The following CLMN variants were observed in gnomAD, a reference collection of about 807,000 sequenced individuals.
CLMN encodes the protein calmin (calponin-like, transmembrane).
CLMN carries 57 observed loss-of-function variants against 92.7 expected under a neutral mutation model. The observed-to-expected ratio is 0.61, with a 90% CI of 0.50 to 0.77. The LOEUF (loss-of-function observed/expected upper bound fraction) is 0.77. CLMN is among the 30% of genes least tolerant of loss of function. CLMN has a pLI of 0.00. For missense variants in CLMN, 1,158 were observed against 1,237.5 expected (o/e 0.94, Z 0.96); for synonymous variants, 466 against 470.6 (o/e 0.99, Z 0.13).
chr14:95,237,746 C>G (rs759817670), intron 1 of CLMN, among the ~76,000 whole-genome samples: 3 of 152,190 alleles, frequency 2.0e-5, no homozygotes, highest in Non-Finnish European at 2.9e-5. Context: ...CTGATGCTCC[C>G]TGGTCTAGAA....
In CLMN at chr14:95,223,768, G is replaced by A. The variant is rs749088609; in HGVS notation, c.232C>T (p.Arg78Trp). The A allele has an allele frequency of 2.4e-5, 39 of 1,611,832 alleles. No individual in the cohort carries two copies. The highest frequency in any genetic ancestry group is 1.6e-4 in the Middle Eastern group (1 of 6,080). ...TTCTGTAACATACGTACCAGATTCC[G>A]CCCAGACAGGACTTCTAACAAAGCC... Reference protein sequence around the residue: ...LMALLEVLSGRNLLHEYKSSS... With the variant: ...LMALLEVLSGWNLLHEYKSSS... The change falls in exon 3 of 13, where the codon CGG (arginine) becomes TGG (tryptophan). Residue 78 changes from arginine (R) to tryptophan (W), a missense_variant. Coordinates refer to ENST00000298912, the MANE Select transcript of CLMN (RefSeq NM_024734.4).
chr14:95,191,448 G>T lies in CLMN; in HGVS notation c.*116C>A. ...CACAATAGCGAGAAAGGGGGTCTAA[G>T]TTTCCTCGGAGGTCCTCAACTGTCT... On this transcript the variant is annotated 3_prime_UTR_variant, in exon 13 of 13. Coordinates refer to ENST00000298912, the MANE Select transcript of CLMN (RefSeq NM_024734.4). This position sits in a 1 kb window ranked among gnomAD's most constrained non-coding sequence, Gnocchi z 5.3. 5 of 637,276 alleles carry T rather than the reference G, an allele frequency of 7.8e-6. No homozygotes were observed. Among genetic ancestry groups the T allele is most frequent in the Non-Finnish European group, 1.2e-5 (5 of 424,184 alleles). 39.5% of individuals were successfully genotyped at this position (637,276 alleles called of 1,614,324 possible).
intron 8 of CLMN, among the ~76,000 whole-genome samples, chr14:95,208,965 G>C (rs1897120593): frequency 6.6e-6 from 1 of 152,180 alleles, no homozygotes; most frequent in African/African-American, 2.4e-5. Flanking sequence ...ATATCAAAGT[G>C]CTTGTGTTCA....
intron 1 of CLMN, among the ~76,000 whole-genome samples, chr14:95,245,238 TTATATATATATATATAA>T (rs1898479033): frequency 1.1e-4 from 3 of 28,194 alleles, no homozygotes; most frequent in African/African-American, 2.6e-4. Context: ...TATATATATA[TTATATATATATATATAA>T]TATATATATA....
At chr14:95,228,493 C>T (rs1016430688) in intron 2 of CLMN, among the ~76,000 whole-genome samples, 1 of 152,082 alleles carries the variant, frequency 6.6e-6, no homozygotes, top group Non-Finnish European at 1.5e-5. Context: ...TGTGGGTGGC[C>T]GAATGCCTGC....
chr14:95,276,190 T>C (rs1899919433), intron 1 of CLMN, among the ~76,000 whole-genome samples: 1 of 152,214 alleles, frequency 6.6e-6, no homozygotes, highest in South Asian at 2.1e-4. Context: ...TTTGGGTATT[T>C]TACCCTGGGG....
Position 95,306,525 on chromosome 14 carries a change from A to T in CLMN, c.82+13186T>A, listed in dbSNP as rs563740542. 6.6e-5 allele frequency among the ~76,000 whole-genome samples: 10 copies of T among 152,246 alleles called. No homozygotes were observed. In the South Asian group the frequency reaches 2.1e-3, roughly 32 times the overall value. ...CACCTGGGTGACAGAGCTAGACTCC[A>T]TCTCAAACAAAAAAAAAAGAAGAGA... On this transcript the variant is annotated intron_variant, in intron 1 of 12. Transcript: ENST00000298912.
chr14:95,244,132 C>T (rs1192426548), intron 1 of CLMN, among the ~76,000 whole-genome samples: 2 of 152,172 alleles, frequency 1.3e-5, no homozygotes, highest in African/African-American at 2.4e-5. Flanking sequence ...GCTTCCTATA[C>T]AGCCTGCAGA....
intron 1 of CLMN, among the ~76,000 whole-genome samples, chr14:95,284,283 C>G (rs1195710167): frequency 6.6e-6 from 1 of 152,178 alleles, no homozygotes; most frequent in African/African-American, 2.4e-5. Context: ...GATGCGCAGG[C>G]AAAAGTTTGC....
intron 1 of CLMN, among the ~76,000 whole-genome samples, chr14:95,269,038 G>A (rs374927115): frequency 4.0e-5 from 6 of 151,790 alleles, no homozygotes; most frequent in Admixed American, 2.6e-4. Context: ...TCCTGATCTC[G>A]TGATCCGCCG....
chr14:95,243,206 G>T lies in CLMN; in HGVS notation c.83-13073C>A, dbSNP rs147991096. On this transcript the variant is annotated intron_variant, in intron 1 of 12. Coordinates refer to ENST00000298912, the MANE Select transcript of CLMN (RefSeq NM_024734.4). ...TTTAGATTCTTCTGGTGTCCTTACC[G>T]CTCATGGCCCAACTTTTAAGATTTT... 5.8e-4 allele frequency among the ~76,000 whole-genome samples: 89 copies of T among 152,242 alleles called. 1 individual carries two copies. The highest frequency in any genetic ancestry group is 2.1e-3 in the African/African-American group (87 of 41,524).
At chr14:95,296,043 G>A (rs191891356) in intron 1 of CLMN, 1 of 150,588 alleles carries the variant, frequency 6.6e-6, no homozygotes, top group East Asian at 2.0e-4. Flanking sequence ...GGAGGTTCCA[G>A]GGGGAAAATG....
chr14:95,268,979 T>C (rs1386679048), intron 1 of CLMN, among the ~76,000 whole-genome samples: 1 of 151,802 alleles, frequency 6.6e-6, no homozygotes, highest in African/African-American at 2.4e-5. Flanking sequence ...AATTTTTGTA[T>C]TTTTAGCAGA....
Position 95,188,976 on chromosome 14 carries a change from C to A in CLMN, c.*2588G>T, listed in dbSNP as rs1896499685. ...CCTCAGGAAGTTATTAAAGAATGTG[C>A]CACACCAAAAAAAAAAAAAAAGTAA... is the stretch of plus-strand genomic sequence containing the variant. On this transcript the variant is annotated 3_prime_UTR_variant, in exon 13 of 13. Coordinates refer to ENST00000298912, the MANE Select transcript of CLMN (RefSeq NM_024734.4). 1 of 140,740 alleles carries A rather than the reference C, an allele frequency of 7.1e-6. No homozygotes were observed. The allele number at this position is 140,740 out of a possible 1,614,324, so 8.7% of individuals were successfully genotyped here. A position where few individuals can be genotyped will look rare whatever the true frequency, so the allele number is the denominator to read the frequency against.
intron 1 of CLMN, among the ~76,000 whole-genome samples, chr14:95,251,739 T>C (rs748444472): frequency 2.0e-5 from 3 of 152,256 alleles, no homozygotes; most frequent in Non-Finnish European, 4.4e-5. Context: ...GGGAGAATTG[T>C]GGGGCCTTTG....
chr14:95,200,147 C>T (rs1291053781), intron 9 of CLMN, among the ~76,000 whole-genome samples: 1 of 152,078 alleles, frequency 6.6e-6, no homozygotes, highest in Non-Finnish European at 1.5e-5. Flanking sequence ...TAGGGGACCT[C>T]TACCCTTAGT....
intron 1 of CLMN, among the ~76,000 whole-genome samples, chr14:95,245,312 G>A (rs1334880850): frequency 1.1e-5 from 1 of 93,018 alleles, no homozygotes; most frequent in Admixed American, 1.3e-4. Context: ...TATTTTATGG[G>A]TCAGGTAAGC....
intron 1 of CLMN, among the ~76,000 whole-genome samples, chr14:95,244,572 G>T (rs1898386387): frequency 6.6e-6 from 1 of 152,210 alleles, no homozygotes; most frequent in African/African-American, 2.4e-5. Context: ...TTCTGACAGG[G>T]AAGTCTTGAG....
At chr14:95,213,829 C>G (rs1228512653) in intron 5 of CLMN, among the ~76,000 whole-genome samples, 1 of 152,144 alleles carries the variant, frequency 6.6e-6, no homozygotes, top group African/African-American at 2.4e-5. Flanking sequence ...TCAGTGAACT[C>G]CTCTCATGAG....
Sources: gnomAD v4.1 joint callset for allele counts (sites outside exome capture counted in the v4.1 genomes callset) on GRCh38, gnomAD v4.1.1 for gene constraint, Gnocchi (gnomAD v3.1) non-coding constraint, MANE v1.5 for transcripts, NCBI Gene and HGNC (gene_info 2026-07-23, HGNC 2026-07-21) for gene names.